Variants in NXF3 observed in about 807,000 individuals in gnomAD.
The protein encoded by NXF3 is nuclear RNA export factor 3, also known as TAP-like protein 3.
Under a neutral mutation model 48.4 loss-of-function variants are expected in NXF3, and 34 were observed. That is an observed-to-expected ratio of 0.70 (90% confidence interval 0.53 to 0.93). The LOEUF (loss-of-function observed/expected upper bound fraction) is 0.93, where lower values mean the gene tolerates loss of function less well. Among genes scored for constraint, NXF3 ranks in the 40% least tolerant of loss-of-function variants. NXF3 has a pLI of 0.00. For synonymous variants in NXF3, 132 were observed against 145.7 expected (o/e 0.91, Z 0.68); for missense variants, 359 against 406.1 (o/e 0.88, Z 1.00).
intron 5 of NXF3, 54 bp from the exon 6 acceptor site, chrX:103,083,327 A>T (rs373496331): frequency 2.4e-5 from 28 of 1,168,461 alleles, no homozygotes; most frequent in Non-Finnish European, 3.1e-5. Flanking sequence ...GACCCCCAAG[A>T]TCAAGCAAGA....
chrX:103,078,705 G>A (rs1921932433), intron 16 of NXF3, 73 bp from the exon 17 acceptor site: 1 of 1,198,971 alleles, frequency 8.3e-7, no homozygotes, highest in Non-Finnish European at 1.1e-6. Context: ...TCCCCAATCA[G>A]AGTCTTGCTT....
At position 103,083,699 on chromosome X, in the gene NXF3, G is replaced by A. The variant is rs767752898; in HGVS notation, c.352-7C>T. On this transcript the variant is annotated splice_region_variant and splice_polypyrimidine_tract_variant and intron_variant, in intron 3 of 19. Transcript: ENST00000395065. ...ATTTTATGCCAAAGGGAACCTATGA[G>A]TGAAAGAAAGAATGAGTGAGGAAAG... 19 of 1,175,172 alleles carry A rather than the reference G, an allele frequency of 1.6e-5. No individual in the cohort carries two copies. Among genetic ancestry groups the A allele is most frequent in the Admixed American group, 1.3e-4 (6 of 45,610 alleles).
intron 17 of NXF3, 120 bp downstream of exon 17, chrX:103,078,440 A>G (rs1439352908): frequency 9.7e-7 from 1 of 1,028,734 alleles, no homozygotes; most frequent in Non-Finnish European, 1.4e-6. Flanking sequence ...ACTCTTAACT[A>G]TTAGACTAGA....
At chrX:103,082,569 G>C (rs1922043175) in intron 8 of NXF3, among the ~76,000 whole-genome samples, 191 bp downstream of exon 8, 1 of 111,639 alleles carries the variant, frequency 9.0e-6, no homozygotes, top group Admixed American at 9.5e-5. Context: ...TTAATGTTGG[G>C]GGCCTTTGGC....
intron 18 of NXF3, among the ~76,000 whole-genome samples, chrX:103,076,664 A>G (rs942522963): frequency 9.0e-6 from 1 of 110,735 alleles, no homozygotes; most frequent in Non-Finnish European, 1.9e-5. Context: ...GAGCTGCAAC[A>G]TCTTTGCTGT....
intron 1 of NXF3, among the ~76,000 whole-genome samples, chrX:103,090,383 A>T (rs1922245738): frequency 8.9e-6 from 1 of 112,106 alleles, no homozygotes; most frequent in Non-Finnish European, 1.9e-5. Context: ...AGATGCTTGT[A>T]GAGTTGTGGG....
rs373797388 is a variant in NXF3 at position 103,090,085 on chromosome X, G to A, written c.28+2911C>T. ...TATCTTTTCAGAGGAATAATTTCAA[G>A]TCATTCATTTGCTCATTAATTATAG... On this transcript the variant is annotated intron_variant, in intron 1 of 19. Coordinates refer to ENST00000395065, the MANE Select transcript of NXF3 (RefSeq NM_022052.2). Among the ~76,000 whole-genome samples the A allele has an allele frequency of 5.4e-5, 6 of 111,423 alleles. No individual in the cohort carries two copies. In the East Asian group the frequency reaches 1.7e-3, roughly 31 times the overall value.
chrX:103,084,019 C>T (rs956351373), intron 3 of NXF3, among the ~76,000 whole-genome samples: 24 of 111,252 alleles, frequency 2.2e-4, no homozygotes, highest in South Asian at 7.7e-4. Flanking sequence ...GCCCCTTTGA[C>T]AAGGACCCCA....
chrX:103,092,951 T>C lies in NXF3; in HGVS notation c.28+45A>G, dbSNP rs145998439. The C allele has an allele frequency of 3.7e-3, 4,335 of 1,168,491 alleles. 10 individuals carry two copies. The highest frequency in any genetic ancestry group is 4.1e-3 in the Non-Finnish European group (3,523 of 858,058). ...GTGGGGAAGGGGGCTCAGTCCCTTT[T>C]GCCCTGTGAGACCTGAGACTCCAGC... On this transcript the variant is annotated intron_variant, in intron 1 of 19. Coordinates refer to ENST00000395065, the MANE Select transcript of NXF3 (RefSeq NM_022052.2).
rs1266546399 is a variant in NXF3, at chrX:103,079,258, C to G, written c.1341G>C (p.Trp447Cys). ...FLVDMWYQTEWMLCFSVNGVF... is the reference protein window; with the variant it reads ...FLVDMWYQTECMLCFSVNGVF... ...CCCCGTTGACAGAAAAGCAGAGCATCCATTCCTGAAAGGGAAGATCTCAGG... is the reference window on the plus strand; with the variant it reads ...CCCCGTTGACAGAAAAGCAGAGCATGCATTCCTGAAAGGGAAGATCTCAGG... The change falls in exon 16 of 20, where the codon TGG becomes TGC. Residue 447 changes from tryptophan to cysteine, a missense_variant. By Grantham distance (215) the Trp-to-Cys change is radical. Transcript: ENST00000395065. The G allele has an allele frequency of 8.3e-7, 1 of 1,211,529 alleles. No homozygotes were observed. The highest frequency in any genetic ancestry group is 1.8e-5 in the South Asian group (1 of 56,994).
At chrX:103,091,934 G>A (rs1194099883) in intron 1 of NXF3, among the ~76,000 whole-genome samples, 7 of 98,560 alleles carry the variant, frequency 7.1e-5, no homozygotes, top group Admixed American at 2.4e-4. Context: ...GCAGTGAGCC[G>A]AGATTGTGCC....
At chrX:103,083,529 A>C in intron 4 of NXF3, 27 bp from the exon 5 acceptor site, 1 of 1,177,355 alleles carries the variant, frequency 8.5e-7, no homozygotes, top group Non-Finnish European at 1.2e-6. Flanking sequence ...AAGAGAAATG[A>C]AATATGAGGC....
Position 103,079,763 on chromosome X carries a change from G to A in NXF3, c.1160C>T (p.Pro387Leu), listed in dbSNP as rs770547688. 2.2e-5 allele frequency: 26 copies of A among 1,206,522 alleles called. No individual in the cohort carries two copies. Among genetic ancestry groups the A allele is most frequent in the Middle Eastern group, 2.3e-4 (1 of 4,347 alleles). The part of the protein sequence containing the change: ...SIPFNPEDSA[P>L]SSFCKFFKDS... ...CCAGGGTCGGAGCTGTGATACTCAC[G>A]GGGCTGAGTCCTCAGGATTGAAGGG... The change falls in exon 13 of 20, where the codon CCG becomes CTG. Residue 387 changes from proline to leucine, a missense_variant and splice_region_variant. Coordinates refer to ENST00000395065, the MANE Select transcript of NXF3 (RefSeq NM_022052.2).
chrX:103,083,357 T>C (rs1922066136), intron 5 of NXF3, 41 bp downstream of exon 5: 1 of 1,171,454 alleles, frequency 8.5e-7, no homozygotes, highest in African/African-American at 1.8e-5. Flanking sequence ...TGCCCTGCCC[T>C]CTTGCTCGAT....
At chrX:103,078,272 C>A (rs948080037) in intron 17 of NXF3, among the ~76,000 whole-genome samples, 4 of 111,678 alleles carry the variant, frequency 3.6e-5, no homozygotes, top group Non-Finnish European at 3.8e-5. Context: ...ATGATAGATG[C>A]ACACCACCAC....
In NXF3 at chrX:103,078,809, C is replaced by T. The variant is rs144966110; in HGVS notation, c.1379-177G>A. On this transcript the variant is annotated intron_variant, in intron 16 of 19. Transcript: ENST00000395065. Reference sequence around the variant, plus strand: ...TGGGGAGGGCAACAACAGGAATAATCCGCTCCCAGTGATAGGGCCCCTATC... The same window carrying T: ...TGGGGAGGGCAACAACAGGAATAATTCGCTCCCAGTGATAGGGCCCCTATC... 2.4e-3 allele frequency among the ~76,000 whole-genome samples: 266 copies of T among 111,945 alleles called. 2 individuals are homozygous for T. Among genetic ancestry groups the T allele is most frequent in the African/African-American group, 8.5e-3 (261 of 30,781 alleles).
At chrX:103,084,549 C>T in intron 2 of NXF3, 54 bp from the exon 3 acceptor site, 1 of 1,171,855 alleles carries the variant, frequency 8.5e-7, no homozygotes, top group Non-Finnish European at 1.2e-6. Flanking sequence ...GTATTTTATA[C>T]ACATTTGATC....
rs755505803 is a variant in NXF3 at position 103,079,623 on chromosome X, A to G, written c.1180T>C (p.Phe394Leu). ...ATTTTTATATTCCTGCTATCCTTGAAGAACTTGCAGAAGCTGCTCCTAGAA... is the reference window on the plus strand; with the variant it reads ...ATTTTTATATTCCTGCTATCCTTGAGGAACTTGCAGAAGCTGCTCCTAGAA... The part of the protein sequence containing the change: ...DSAPSSFCKF[F>L]KDSRNIKILK... Residue 394 changes from phenylalanine to leucine, a missense_variant, in exon 14 of 20, where the codon TTC becomes CTC. Coordinates refer to ENST00000395065, the MANE Select transcript of NXF3 (RefSeq NM_022052.2). 3.1e-5 allele frequency: 37 copies of G among 1,211,059 alleles called. No homozygotes were observed. Among genetic ancestry groups the G allele is most frequent in the Middle Eastern group, 4.6e-4 (2 of 4,353 alleles).
intron 8 of NXF3, 90 bp downstream of exon 8, chrX:103,082,670 C>T: frequency 2.7e-6 from 2 of 745,883 alleles, no homozygotes; most frequent in East Asian, 3.2e-5. Flanking sequence ...AGAGTGAAGG[C>T]CCCCAACAGG....
Sources: allele counts gnomAD v4.1 joint callset (sites outside exome capture counted in the v4.1 genomes callset), GRCh38; gene constraint gnomAD v4.1.1; transcripts MANE v1.5; gene names NCBI Gene and HGNC (gene_info 2026-07-23, HGNC 2026-07-21).